The following PRDM16 variants were observed in gnomAD, a reference collection of about 807,000 sequenced individuals.
PRDM16 encodes PR/SET domain 16, also known as histone-lysine N-methyltransferase PRDM16.
Under a neutral mutation model 110.6 loss-of-function variants are expected in PRDM16, and 23 were observed. The ratio of observed to expected loss-of-function variants is 0.21; its 90% CI spans 0.15 to 0.29. The LOEUF is 0.29. Ranked by LOEUF, PRDM16 falls within the 10% of genes least tolerant of loss-of-function variation. The pLI is 1.00. For missense variants in PRDM16, 1,615 were observed against 1,794.3 expected, an observed-to-expected ratio of 0.90 and a Z score of 1.81; for synonymous variants, 799 against 781.8, an observed-to-expected ratio of 1.02 and a Z score of -0.37.
chr1:3,191,801 A>T (rs561192666), intron 2 of PRDM16, among the ~76,000 whole-genome samples: 6 of 152,240 alleles, frequency 3.9e-5, no homozygotes, highest in African/African-American at 1.4e-4. Flanking sequence ...AGCAGGAGGG[A>T]CAGTGCTATG....
In PRDM16 at chr1:3,143,086, C is replaced by A. The variant is rs1433903200; in HGVS notation, c.38-43039C>A. Reference sequence around the variant, plus strand: ...TCGTACCCGCGGGCACCCATGGAAGCCTGAGCTCTGTCTTTTCAGTCGCCT... The same window carrying A: ...TCGTACCCGCGGGCACCCATGGAAGACTGAGCTCTGTCTTTTCAGTCGCCT... On this transcript the variant is annotated intron_variant, in intron 1 of 16. Coordinates refer to ENST00000270722, the MANE Select transcript of PRDM16 (RefSeq NM_022114.4). The surrounding 1 kb of genome is among the most constrained non-coding windows in gnomAD (Gnocchi z 4.5). Among the ~76,000 whole-genome samples, 1 of 152,208 alleles carries A rather than the reference C, an allele frequency of 6.6e-6. No individual in the cohort carries two copies. Among genetic ancestry groups the A allele is most frequent in the African/African-American group, 2.4e-5 (1 of 41,460 alleles).
chr1:3,080,085 C>T lies in PRDM16; in HGVS notation c.37+10789C>T, dbSNP rs1641988877. Among the ~76,000 whole-genome samples, 1 of 152,218 alleles carries T rather than the reference C, an allele frequency of 6.6e-6. No individual in the cohort carries two copies. The highest frequency in any genetic ancestry group is 6.5e-5 in the Admixed American group (1 of 15,288). ...GGCGGCAGCGATCTGGAGCACTTTT[C>T]CGCACGCTGTAACCCCTGAGAAGAA... On this transcript the variant is annotated intron_variant, in intron 1 of 16. Transcript: ENST00000270722. The surrounding 1 kb of genome is among the most constrained non-coding windows in gnomAD (Gnocchi z 5.2).
chr1:3,279,491 T>A lies in PRDM16; in HGVS notation c.438+35354T>A, dbSNP rs567495919. ...GTCAGTCTGGGACGCCCTGCACGCC[T>A]GCCCCTGCCACCAGGCTGGCTTCCT... On this transcript the variant is annotated intron_variant, in intron 3 of 16. Coordinates refer to ENST00000270722, the MANE Select transcript of PRDM16 (RefSeq NM_022114.4). 1.1e-3 allele frequency among the ~76,000 whole-genome samples: 174 copies of A among 152,358 alleles called. 1 individual carries two copies. Among genetic ancestry groups the A allele is most frequent in the African/African-American group, 4.1e-3 (170 of 41,588 alleles).
At position 3,437,635 on chromosome 1, in the gene PRDM16, T is replaced by TA. The variant is rs1638945591; in HGVS notation, c.*3825dup. The TA allele has an allele frequency of 4.4e-6, 1 of 227,858 alleles. No homozygotes were observed. The highest frequency in any genetic ancestry group is 6.3e-5 in the East Asian group (1 of 15,962). 14.1% of individuals were successfully genotyped at this position (227,858 alleles called of 1,614,324 possible). A position where few individuals can be genotyped will look rare whatever the true frequency, so the allele number is the denominator to read the frequency against. ...ACTGTGTCTCTGTAGCAATGAGTGA[T>TA]ACTGTGACAAAACCATCCTTGCATT... On this transcript the variant is annotated 3_prime_UTR_variant, in exon 17 of 17. Coordinates refer to ENST00000270722, the MANE Select transcript of PRDM16 (RefSeq NM_022114.4).
chr1:3,364,783 A>G (rs372637379), intron 3 of PRDM16, among the ~76,000 whole-genome samples: 1 of 152,184 alleles, frequency 6.6e-6, no homozygotes, highest in South Asian at 2.1e-4. Context: ...GAGGCCCAAC[A>G]TGGGCCCGCG....
At chr1:3,297,796 G>T (rs1476796874) in intron 3 of PRDM16, among the ~76,000 whole-genome samples, 1 of 152,174 alleles carries the variant, frequency 6.6e-6, no homozygotes, top group Non-Finnish European at 1.5e-5. Context: ...GGCAGGAAGG[G>T]ACCAAGAGAA....
At position 3,357,466 on chromosome 1, in the gene PRDM16, G is replaced by A. The variant is rs546655530; in HGVS notation, c.439-27686G>A. 8.0e-5 allele frequency among the ~76,000 whole-genome samples: 12 copies of A among 149,904 alleles called. No individual in the cohort carries two copies. In the East Asian group the frequency reaches 9.7e-4, roughly 12 times the overall value. On this transcript the variant is annotated intron_variant, in intron 3 of 16. Coordinates refer to ENST00000270722, the MANE Select transcript of PRDM16 (RefSeq NM_022114.4). ...CAGGCAGGATGGAGAGTCTCACCACGGGGCCTGGCCAGTGGCCCCAGGAGG... is the reference window on the plus strand; with the variant it reads ...CAGGCAGGATGGAGAGTCTCACCACAGGGCCTGGCCAGTGGCCCCAGGAGG...
At chr1:3,155,346 G>A (rs959961008) in intron 1 of PRDM16, among the ~76,000 whole-genome samples, 4 of 152,262 alleles carry the variant, frequency 2.6e-5, no homozygotes, top group African/African-American at 7.2e-5. Context: ...CGCGGCTGCC[G>A]TGTGGCTTCG....
intron 2 of PRDM16, among the ~76,000 whole-genome samples, chr1:3,241,341 G>A (rs551530134): frequency 5.9e-5 from 9 of 152,330 alleles, no homozygotes; most frequent in East Asian, 5.8e-4. Flanking sequence ...GCTGGGCTCC[G>A]GGGTGACCAC....
At chr1:3,269,108 G>A (rs1041661172) in intron 3 of PRDM16, among the ~76,000 whole-genome samples, 1 of 152,252 alleles carries the variant, frequency 6.6e-6, no homozygotes, top group Admixed American at 6.5e-5. Flanking sequence ...CTTTGGGATG[G>A]GCTTTAGAAG....
chr1:3,174,182 G>A (rs1175690305), intron 1 of PRDM16, among the ~76,000 whole-genome samples: 5 of 152,094 alleles, frequency 3.3e-5, no homozygotes, highest in African/African-American at 4.8e-5. Context: ...TCCTTGGCTC[G>A]GGGCAAATCC....
intron 3 of PRDM16, among the ~76,000 whole-genome samples, chr1:3,333,942 T>C (rs1052707009): frequency 1.2e-4 from 18 of 152,226 alleles, no homozygotes; most frequent in Non-Finnish European, 1.0e-4. Context: ...GCTGAGCTGA[T>C]GCTGGTGCCA....
intron 3 of PRDM16, among the ~76,000 whole-genome samples, chr1:3,259,590 C>T (rs188769570): frequency 6.6e-6 from 1 of 152,224 alleles, no homozygotes; most frequent in Non-Finnish European, 1.5e-5. Flanking sequence ...TCAGGCCCCC[C>T]CAAGAAAGCC....
At position 3,402,840 on chromosome 1, in the gene PRDM16, G is replaced by A. The variant is rs779646138; in HGVS notation, c.726G>A (p.Lys242=). 2 of 1,613,104 alleles carry A rather than the reference G, an allele frequency of 1.2e-6. No individual in the cohort carries two copies. Among genetic ancestry groups the A allele is most frequent in the Non-Finnish European group, 1.7e-6 (2 of 1,179,976 alleles). Residue 242 remains lysine (K), a synonymous_variant, in exon 6 of 17, where the codon AAG becomes AAA. Coordinates refer to ENST00000270722, the MANE Select transcript of PRDM16 (RefSeq NM_022114.4). ...CDECDELFQS[K]LDLRRHKKYT... ...AGTGTGACGAACTCTTCCAGTCCAA[G>A]CTGGACCTGCGGCGCCATAAGAAGT...
intron 1 of PRDM16, among the ~76,000 whole-genome samples, chr1:3,174,392 G>A (rs1439484550): frequency 2.0e-5 from 3 of 152,144 alleles, no homozygotes; most frequent in Non-Finnish European, 2.9e-5. Context: ...CTTTTGGGGT[G>A]ACATCATTCA....
chr1:3,078,728 C>T lies in PRDM16; in HGVS notation c.37+9432C>T, dbSNP rs111794109. 1.5e-3 allele frequency among the ~76,000 whole-genome samples: 227 copies of T among 152,334 alleles called. 1 individual carries two copies. Among genetic ancestry groups the T allele is most frequent in the African/African-American group, 4.7e-3 (197 of 41,576 alleles). ...GAGGGAGGAAATGACGGGGTGCATA[C>T]GTGAGGAACGGGCTCTGAATGTGAC... On this transcript the variant is annotated intron_variant, in intron 1 of 16. Coordinates refer to ENST00000270722, the MANE Select transcript of PRDM16 (RefSeq NM_022114.4).
At chr1:3,306,644 G>A (rs550839831) in intron 3 of PRDM16, 1 of 152,316 alleles carries the variant, frequency 6.6e-6, no homozygotes, top group South Asian at 2.1e-4. Context: ...TGTTTGCATT[G>A]TGCAATAATT....
At position 3,435,289 on chromosome 1, in the gene PRDM16, C is replaced by A. The variant is rs1050755280; in HGVS notation, c.*1478C>A. 1 of 224,254 alleles carries A rather than the reference C, an allele frequency of 4.5e-6. No individual in the cohort carries two copies. The highest frequency in any genetic ancestry group is 2.2e-5 in the African/African-American group (1 of 44,770). The allele number at this position is 224,254 out of a possible 1,614,324, so 13.9% of individuals were successfully genotyped here. ...ATTTCCTCCTTAACAGTATTTTTGGCATTAGACATTCTTATTGTGAAGAAA... is the reference window on the plus strand; with the variant it reads ...ATTTCCTCCTTAACAGTATTTTTGGAATTAGACATTCTTATTGTGAAGAAA... On this transcript the variant is annotated 3_prime_UTR_variant, in exon 17 of 17. Transcript: ENST00000270722.
intron 14 of PRDM16, among the ~76,000 whole-genome samples, chr1:3,427,626 G>C (rs1638647137): frequency 6.6e-6 from 1 of 152,188 alleles, no homozygotes; most frequent in African/African-American, 2.4e-5. Flanking sequence ...ACAGGAGGCA[G>C]TTGGACACTG....
Sources: gnomAD v4.1 joint callset for allele counts (sites outside exome capture counted in the v4.1 genomes callset) on GRCh38, gnomAD v4.1.1 for gene constraint, Gnocchi (gnomAD v3.1) non-coding constraint, MANE v1.5 for transcripts, NCBI Gene and HGNC (gene_info 2026-07-23, HGNC 2026-07-21) for gene names.